PKIB: variants seen among roughly 807,000 people sequenced by gnomAD.
PKIB encodes PKI-beta.
In PKIB, 2 loss-of-function variants were observed where a neutral mutation model predicts 4.5. The ratio of observed to expected loss-of-function variants is 0.44; its 90% CI spans 0.18 to 1.39. PKIB has a LOEUF of 1.39. Among genes scored for constraint, PKIB ranks in the 40% most tolerant of loss-of-function variants. The pLI, the probability that PKIB is intolerant of heterozygous loss-of-function variation, is 0.27. For missense variants in PKIB, 94 were observed against 92.6 expected (o/e 1.02, Z -0.06); for synonymous variants, 38 against 36.0 (o/e 1.06, Z -0.20).
At chr6:122,699,900 T>C (rs1450801018) in intron 3 of PKIB, among the ~76,000 whole-genome samples, 1 of 152,200 alleles carries the variant, frequency 6.6e-6, no homozygotes, top group African/African-American at 2.4e-5. Context: ...TCCTCTATTT[T>C]ATATGCCAGA....
rs887342308 is a variant in PKIB at position 122,491,549 on chromosome 6, G to A, written c.-248+13610G>A. ...CCTACTGTAAAAATTAGTCATTAAC[G>A]TAGGCCTCTAGAAGGGACGTGTGGC... On this transcript the variant is annotated intron_variant, in intron 2 of 6. Transcript: ENST00000392491. 6.6e-5 allele frequency among the ~76,000 whole-genome samples: 10 copies of A among 152,106 alleles called. No homozygotes were observed. The East Asian group carries it at 7.7e-4, about 12-fold the overall frequency.
chr6:122,525,305 G>GA (rs1443042742), intron 2 of PKIB, among the ~76,000 whole-genome samples: 3 of 151,952 alleles, frequency 2.0e-5, no homozygotes, highest in African/African-American at 4.8e-5. Flanking sequence ...TATTGTGATT[G>GA]AAAAAATACT....
intron 3 of PKIB, among the ~76,000 whole-genome samples, chr6:122,700,150 G>C (rs911500429): frequency 2.1e-5 from 3 of 141,746 alleles, no homozygotes. Context: ...TCAAATTGTA[G>C]ATCTTTGTTT....
intron 3 of PKIB, among the ~76,000 whole-genome samples, chr6:122,594,643 C>A (rs1467853833): frequency 1.3e-5 from 2 of 152,234 alleles, no homozygotes; most frequent in African/African-American, 4.8e-5. Flanking sequence ...CCTTCTTCTA[C>A]TACCCATTCT....
chr6:122,676,379 G>A (rs144549137), intron 3 of PKIB, among the ~76,000 whole-genome samples: 15 of 152,084 alleles, frequency 9.9e-5, no homozygotes, highest in African/African-American at 1.7e-4. Flanking sequence ...CTCACCTCCC[G>A]CTGTGTGGCC....
At chr6:122,549,008 T>C (rs1189916938) in intron 2 of PKIB, among the ~76,000 whole-genome samples, 1 of 152,204 alleles carries the variant, frequency 6.6e-6, no homozygotes, top group African/African-American at 2.4e-5. Flanking sequence ...ACTTCCTTAC[T>C]TTCCTTGACT....
intron 1 of PKIB, 87 bp from the exon 2 acceptor site, chr6:122,633,196 T>C (rs972461344): frequency 6.6e-6 from 1 of 152,212 alleles, no homozygotes; most frequent in Non-Finnish European, 1.5e-5. Flanking sequence ...CTTTTTTGTC[T>C]AAGGAACAAC....
At chr6:122,634,799 G>A (rs943978192) in intron 2 of PKIB, among the ~76,000 whole-genome samples, 12 of 151,950 alleles carry the variant, frequency 7.9e-5, no homozygotes, top group African/African-American at 1.7e-4. Context: ...AAAATTAGCC[G>A]GGTGTGATGG....
At chr6:122,557,265 G>A (rs139729190) in intron 2 of PKIB, among the ~76,000 whole-genome samples, 1,545 of 152,256 alleles carry the variant, frequency 0.01, 10 homozygotes, top group Non-Finnish European at 0.016. Flanking sequence ...ATTAGTGCAT[G>A]AGCAAATGTC....
At chr6:122,570,705 A>G (rs1281720949) in intron 2 of PKIB, among the ~76,000 whole-genome samples, 2 of 152,234 alleles carry the variant, frequency 1.3e-5, no homozygotes, top group Non-Finnish European at 2.9e-5. Flanking sequence ...ATAAACGTTA[A>G]AGTCAGATTC....
chr6:122,683,462 A>G (rs1464374545), intron 3 of PKIB, among the ~76,000 whole-genome samples: 1 of 152,176 alleles, frequency 6.6e-6, no homozygotes, highest in Non-Finnish European at 1.5e-5. Context: ...TTCACCCCCC[A>G]TGATCCAAAC....
chr6:122,613,860 G>C (rs1192947968), intron 1 of PKIB, among the ~76,000 whole-genome samples: 1 of 151,218 alleles, frequency 6.6e-6, no homozygotes, highest in African/African-American at 2.4e-5. Context: ...CTATTTGGGA[G>C]GCCGAGGTAG....
intron 3 of PKIB, among the ~76,000 whole-genome samples, chr6:122,698,556 G>C (rs1434184711): frequency 2.0e-5 from 3 of 152,140 alleles, no homozygotes; most frequent in Non-Finnish European, 4.4e-5. Flanking sequence ...AGGAAAGGCA[G>C]TTTCTTGCAT....
intron 1 of PKIB, among the ~76,000 whole-genome samples, chr6:122,632,063 C>T (rs995335970): frequency 9.2e-5 from 14 of 152,092 alleles, no homozygotes; most frequent in African/African-American, 3.1e-4. Context: ...ATGTCATAAC[C>T]CCTGGAAGAA....
chr6:122,645,248 T>G (rs1419844272), intron 2 of PKIB, among the ~76,000 whole-genome samples: 3 of 152,238 alleles, frequency 2.0e-5, no homozygotes, highest in Admixed American at 6.5e-5. Context: ...GTTGGCATAT[T>G]TTATAGGACA....
chr6:122,534,005 C>T (rs1161786777), intron 2 of PKIB, among the ~76,000 whole-genome samples: 1 of 151,902 alleles, frequency 6.6e-6, no homozygotes, highest in Non-Finnish European at 1.5e-5. Flanking sequence ...CACTTACCTC[C>T]TCTCTCCCCC....
chr6:122,626,064 A>G (rs994037062), intron 1 of PKIB, among the ~76,000 whole-genome samples: 3 of 143,944 alleles, frequency 2.1e-5, no homozygotes, highest in Admixed American at 7.3e-5. Context: ...GAGAGATCCA[A>G]TTTCAAAATA....
chr6:122,671,363 C>A (rs528961672), intron 2 of PKIB, among the ~76,000 whole-genome samples: 1 of 143,026 alleles, frequency 7.0e-6, no homozygotes, highest in Non-Finnish European at 1.5e-5. Flanking sequence ...TAAAATAGTT[C>A]AAATGAAAGC....
At chr6:122,498,908 A>C (rs1168151573) in intron 2 of PKIB, among the ~76,000 whole-genome samples, 1 of 152,206 alleles carries the variant, frequency 6.6e-6, no homozygotes, top group Non-Finnish European at 1.5e-5. Context: ...GGAAATACAA[A>C]AGATCCTCAG....
Sources: allele counts gnomAD v4.1 joint callset (sites outside exome capture counted in the v4.1 genomes callset), GRCh38; gene constraint gnomAD v4.1.1; transcripts MANE v1.5; gene names NCBI Gene and HGNC (gene_info 2026-07-23, HGNC 2026-07-21).